The following DTX4 variants were observed in gnomAD, a reference collection of about 807,000 sequenced individuals.
The protein encoded by DTX4 is deltex E3 ubiquitin ligase 4, also known as E3 ubiquitin-protein ligase DTX4.
DTX4 carries 28 observed loss-of-function variants against 57.6 expected under a neutral mutation model. The ratio of observed to expected loss-of-function variants is 0.49; its 90% CI spans 0.36 to 0.67. The LOEUF (loss-of-function observed/expected upper bound fraction) is 0.67. Ranked by LOEUF, DTX4 falls within the 30% of genes least tolerant of loss-of-function variation. DTX4 has a pLI of 0.00. For missense variants in DTX4, 715 were observed against 836.8 expected (o/e 0.85, Z 1.80); for synonymous variants, 316 against 331.0 (o/e 0.95, Z 0.49).
At chr11:59,203,739 A>T (rs1004821118) in intron 8 of DTX4, among the ~76,000 whole-genome samples, 1 of 152,224 alleles carries the variant, frequency 6.6e-6, no homozygotes, top group Admixed American at 6.5e-5. Flanking sequence ...TCACCATTGC[A>T]TATGTGTTCA....
Position 59,182,366 on chromosome 11 carries a change from C to T in DTX4, c.839C>T (p.Pro280Leu). 6.2e-7 allele frequency: 1 copy of T among 1,613,786 alleles called. No individual in the cohort carries two copies. Among genetic ancestry groups the T allele is most frequent in the Non-Finnish European group, 8.5e-7 (1 of 1,179,872 alleles). Reference protein sequence around the residue: ...TMGSPASPPGPNSKTGRVALA... With the variant: ...TMGSPASPPGLNSKTGRVALA... ...GGCTCTCCTGCCAGTCCCCCAGGAC[C>T]CAACAGCAAGACCGGAAGGGTGGCC... The change falls in exon 2 of 9, where the codon CCC becomes CTC. Residue 280 changes from proline to leucine, a missense_variant. Transcript: ENST00000227451.
intron 8 of DTX4, among the ~76,000 whole-genome samples, chr11:59,203,445 G>A (rs2135527530): frequency 6.6e-6 from 1 of 150,900 alleles, no homozygotes; most frequent in East Asian, 2.0e-4. Context: ...ATATACCTTA[G>A]CCTTGACCTA....
intron 5 of DTX4, 70 bp downstream of exon 5, chr11:59,191,245 G>T (rs1047794779): frequency 1.4e-6 from 2 of 1,464,696 alleles, no homozygotes; most frequent in Non-Finnish European, 1.9e-6. Context: ...TCTGCTGTTG[G>T]TTTCTACAGG....
Position 59,172,591 on chromosome 11 carries a change from T to G in DTX4, c.-5T>G. On this transcript the variant is annotated 5_prime_UTR_variant, in exon 1 of 9. Transcript: ENST00000227451. The stretch of plus-strand genomic sequence containing the variant: ...GCCGCGCAGCGCCGCAGCCCCGGGC[T>G]CGCCATGCTCCTGGCCTCGGCCGTG... The G allele has an allele frequency of 6.8e-7, 1 of 1,464,238 alleles. No individual in the cohort carries two copies. Among genetic ancestry groups the G allele is most frequent in the South Asian group, 1.3e-5 (1 of 75,382 alleles). 90.7% of individuals were successfully genotyped at this position (1,464,238 alleles called of 1,614,324 possible).
chr11:59,177,182 G>T lies in DTX4; in HGVS notation c.211+4376G>T, dbSNP rs370968206. ...TAGGTACAGGCACATAGACCCTGTA[G>T]CCCAACAGCTGAAATTTGAGTGTAC... is the stretch of plus-strand genomic sequence containing the variant. On this transcript the variant is annotated intron_variant, in intron 1 of 8. Transcript: ENST00000227451. Among the ~76,000 whole-genome samples the T allele has an allele frequency of 1.2e-3, 179 of 152,260 alleles. 1 individual carries two copies. In the South Asian group the frequency reaches 0.03, roughly 26 times the overall value.
rs1158275625 is a variant in DTX4 at position 59,204,583 on chromosome 11, A to T, written c.1627-93A>T. 10 of 1,189,214 alleles carry T rather than the reference A, an allele frequency of 8.4e-6. No homozygotes were observed. In the African/African-American group the frequency reaches 1.4e-4, roughly 16 times the overall value. The allele number at this position is 1,189,214 out of a possible 1,614,324, so 73.7% of individuals were successfully genotyped here. The stretch of plus-strand genomic sequence containing the variant: ...TTAGGGTATCATGATGCAGGAAGGG[A>T]TGGGGCCCTTGGGAGGATTCTCTAC... On this transcript the variant is annotated intron_variant, in intron 8 of 8. Coordinates refer to ENST00000227451, the MANE Select transcript of DTX4 (RefSeq NM_015177.2).
At chr11:59,173,358 C>T (rs1436284225) in intron 1 of DTX4, among the ~76,000 whole-genome samples, 1 of 152,202 alleles carries the variant, frequency 6.6e-6, no homozygotes, top group Non-Finnish European at 1.5e-5. Flanking sequence ...AGGGATTCCC[C>T]GGAGGTTCTC....
chr11:59,200,912 T>C (rs1862733359), intron 8 of DTX4, among the ~76,000 whole-genome samples: 1 of 152,256 alleles, frequency 6.6e-6, no homozygotes, highest in East Asian at 1.9e-4. Context: ...TTATTCGTCA[T>C]GCACTTTGCT....
chr11:59,189,308 A>C lies in DTX4; in HGVS notation c.1144A>C (p.Lys382Gln), dbSNP rs1196774114. The C allele has an allele frequency of 6.4e-7, 1 of 1,555,366 alleles. No individual in the cohort carries two copies. Residue 382 changes from lysine (K) to glutamine (Q), a missense_variant, in exon 4 of 9, where the codon AAA (lysine) becomes CAA (glutamine). Coordinates refer to ENST00000227451, the MANE Select transcript of DTX4 (RefSeq NM_015177.2). ...CAACACAAGCCGCAAGACCACCAAA[A>C]AACAAGCCAAGAAAGGTACCAGCCT... is the stretch of plus-strand genomic sequence containing the variant. The part of the protein sequence containing the change: ...VSNTSRKTTK[K>Q]QAKKGKTPEE...
chr11:59,183,966 C>T (rs967170322), intron 2 of DTX4, among the ~76,000 whole-genome samples: 9 of 152,210 alleles, frequency 5.9e-5, no homozygotes, highest in African/African-American at 1.9e-4. Flanking sequence ...ATGTGTTATG[C>T]AATAGGGGTT....
chr11:59,183,107 G>A (rs114789236), intron 2 of DTX4, among the ~76,000 whole-genome samples: 1 of 152,170 alleles, frequency 6.6e-6, no homozygotes, highest in Non-Finnish European at 1.5e-5. Context: ...GCTTGTTCAA[G>A]GGTACATAGC....
rs780746944 is a variant in DTX4 at position 59,172,550 on chromosome 11, G to C, written c.-46G>C. On this transcript the variant is annotated 5_prime_UTR_variant, in exon 1 of 9. Transcript: ENST00000227451. ...AGGAAGCGGAGGAGGTCGGGCGCTC[G>C]GGGCCCGGGAGGCGGGCCGCGCAGC... 65 of 1,265,480 alleles carry C rather than the reference G, an allele frequency of 5.1e-5. No individual in the cohort carries two copies. The highest frequency in any genetic ancestry group is 2.3e-4 in the African/African-American group (15 of 63,972). The allele number at this position is 1,265,480 out of a possible 1,614,324, so 78.4% of individuals were successfully genotyped here.
intron 8 of DTX4, among the ~76,000 whole-genome samples, chr11:59,204,208 A>G (rs1191909124): frequency 6.6e-6 from 1 of 152,136 alleles, no homozygotes; most frequent in African/African-American, 2.4e-5. Flanking sequence ...TTAATACTAC[A>G]TTGAGGTAGT....
intron 4 of DTX4, 91 bp downstream of exon 4, chr11:59,189,414 G>T: frequency 3.1e-6 from 4 of 1,299,396 alleles, no homozygotes; most frequent in South Asian, 1.5e-5. Flanking sequence ...CATAGCCACG[G>T]CTTCACCCTC....
intron 8 of DTX4, among the ~76,000 whole-genome samples, chr11:59,201,599 G>A (rs1019222503): frequency 2.0e-5 from 3 of 152,210 alleles, no homozygotes; most frequent in Non-Finnish European, 4.4e-5. Context: ...ATGTCAAAGG[G>A]TATGGATATG....
At position 59,182,292 on chromosome 11, in the gene DTX4, G is replaced by C. The variant is rs201428116; in HGVS notation, c.765G>C (p.Ser255=). ...TIRGPLKTAP[S]QVIRRQASSM... ...GAGGCCCACTGAAGACCGCCCCATC[G>C]CAGGTGATCCGGAGACAAGCCTCCA... The change falls in exon 2 of 9, where the codon TCG becomes TCC. Residue 255 remains serine (S), a synonymous_variant. Transcript: ENST00000227451. The C allele has an allele frequency of 1.7e-5, 27 of 1,612,294 alleles. No individual in the cohort carries two copies. The highest frequency in any genetic ancestry group is 4.0e-5 in the African/African-American group (3 of 75,050).
intron 8 of DTX4, among the ~76,000 whole-genome samples, chr11:59,203,160 T>G (rs150465187): frequency 1.1e-3 from 169 of 152,364 alleles, no homozygotes; most frequent in Admixed American, 2.6e-3. Context: ...AAAGACTTTA[T>G]AAACACTGTA....
chr11:59,191,051 C>A, intron 4 of DTX4, 63 bp from the exon 5 acceptor site: 1 of 1,497,042 alleles, frequency 6.7e-7, no homozygotes, highest in Non-Finnish European at 9.1e-7. Context: ...ATGTCTAGCA[C>A]GACAAGGCTG....
At chr11:59,181,012 C>G (rs1317245653) in intron 1 of DTX4, among the ~76,000 whole-genome samples, 1 of 152,088 alleles carries the variant, frequency 6.6e-6, no homozygotes, top group Admixed American at 6.6e-5. Flanking sequence ...GATTTCCCTT[C>G]TTCTCATAGT....
Sources: allele counts gnomAD v4.1 joint callset (sites outside exome capture counted in the v4.1 genomes callset), GRCh38; gene constraint gnomAD v4.1.1; transcripts MANE v1.5; gene names NCBI Gene and HGNC (gene_info 2026-07-23, HGNC 2026-07-21).